PRKAR2A: variants seen among roughly 807,000 people sequenced by gnomAD.
PRKAR2A encodes protein kinase cAMP-dependent type II regulatory subunit alpha.
Under a neutral mutation model 51.9 loss-of-function variants are expected in PRKAR2A, and 29 were observed. That is an observed-to-expected ratio of 0.56 (90% CI 0.42 to 0.76). The LOEUF (loss-of-function observed/expected upper bound fraction) is 0.76. PRKAR2A is among the 30% of genes least tolerant of loss of function. The pLI is 0.00. For synonymous variants in PRKAR2A, 178 were observed against 186.2 expected, an observed-to-expected ratio of 0.96 and a Z score of 0.36; for missense variants, 445 against 512.1, an observed-to-expected ratio of 0.87 and a Z score of 1.26.
At chr3:48,792,566 A>G (rs1284032680) in intron 3 of PRKAR2A, among the ~76,000 whole-genome samples, 1 of 141,216 alleles carries the variant, frequency 7.1e-6, no homozygotes, top group Non-Finnish European at 1.5e-5. Flanking sequence ...GGTTCAAGCG[A>G]TTCTCCTGCC....
In PRKAR2A at chr3:48,773,077, T is replaced by G; in HGVS notation, c.574A>C (p.Asn192His). 3 of 1,610,766 alleles carry G rather than the reference T, an allele frequency of 1.9e-6. No individual in the cohort carries two copies. Among genetic ancestry groups the G allele is most frequent in the Non-Finnish European group, 2.5e-6 (3 of 1,178,064 alleles). ...TATTGACCAACAGAGCGGGTTTGAT[T>G]ATCTTTTGTTACTAAAATGTCATAA... is the stretch of plus-strand genomic sequence containing the variant. ...GTYDILVTKD[N>H]QTRSVGQYDN... The change falls in exon 6 of 11, where the codon AAT (asparagine) becomes CAT (histidine). Residue 192 changes from asparagine to histidine, a missense_variant. Transcript: ENST00000265563.
chr3:48,779,247 A>C (rs1252668812), intron 5 of PRKAR2A, among the ~76,000 whole-genome samples: 2 of 152,144 alleles, frequency 1.3e-5, no homozygotes, highest in African/African-American at 4.8e-5. Flanking sequence ...GGTGCAAACC[A>C]CTGTGCCAGG....
chr3:48,797,130 T>C (rs1279306298), intron 2 of PRKAR2A, among the ~76,000 whole-genome samples: 1 of 152,078 alleles, frequency 6.6e-6, no homozygotes, highest in Non-Finnish European at 1.5e-5. Context: ...CGGGACAGGC[T>C]GATACATACC....
chr3:48,766,391 A>G (rs2081942747), intron 6 of PRKAR2A, among the ~76,000 whole-genome samples: 1 of 150,580 alleles, frequency 6.6e-6, no homozygotes, highest in Non-Finnish European at 1.5e-5. Context: ...AACATGGTGA[A>G]ACCCCATCTC....
At chr3:48,774,238 G>A (rs1008605658) in intron 5 of PRKAR2A, among the ~76,000 whole-genome samples, 1 of 152,040 alleles carries the variant, frequency 6.6e-6, no homozygotes, top group Non-Finnish European at 1.5e-5. Context: ...CAGGGTAACT[G>A]GGGTATCCAT....
chr3:48,781,725 C>G (rs2082199812), intron 5 of PRKAR2A, among the ~76,000 whole-genome samples: 1 of 151,996 alleles, frequency 6.6e-6, no homozygotes, highest in Non-Finnish European at 1.5e-5. Flanking sequence ...GTTGGCCAGG[C>G]TGGTCTCGAA....
At chr3:48,766,215 C>A (rs1477816647) in intron 6 of PRKAR2A, among the ~76,000 whole-genome samples, 2 of 150,004 alleles carry the variant, frequency 1.3e-5, no homozygotes, top group Non-Finnish European at 3.0e-5. Context: ...ACACTATGTC[C>A]CAAAAACAAC....
At chr3:48,809,595 C>CAAAAA (rs57623385) in intron 1 of PRKAR2A, among the ~76,000 whole-genome samples, 1 of 49,338 alleles carries the variant, frequency 2.0e-5, no homozygotes, top group Admixed American at 3.2e-4. Context: ...GACTCCATCT[C>CAAAAA]AAAAAAAAAA....
At chr3:48,814,246 C>T (rs1384248762) in intron 1 of PRKAR2A, among the ~76,000 whole-genome samples, 1 of 151,050 alleles carries the variant, frequency 6.6e-6, no homozygotes, top group African/African-American at 2.4e-5. Context: ...GAATCCGTCT[C>T]AAAAAGATTA....
intron 4 of PRKAR2A, among the ~76,000 whole-genome samples, chr3:48,784,001 ATATAT>A (rs752309061): frequency 1.2e-3 from 182 of 152,350 alleles, no homozygotes; most frequent in Non-Finnish European, 1.7e-3. Context: ...AATAAATGAG[ATATAT>A]TATAAGACAG....
At chr3:48,761,895 T>C (rs2107221644) in intron 8 of PRKAR2A, among the ~76,000 whole-genome samples, 1 of 152,286 alleles carries the variant, frequency 6.6e-6, no homozygotes, top group African/African-American at 2.4e-5. Context: ...AGTGCTGGGA[T>C]TACAGGCGTG....
chr3:48,757,962 A>G (rs2081798136), intron 8 of PRKAR2A, among the ~76,000 whole-genome samples: 1 of 152,176 alleles, frequency 6.6e-6, no homozygotes, highest in Admixed American at 6.5e-5. Flanking sequence ...AGGCTGAGGC[A>G]GAAGAATAGC....
chr3:48,795,088 G>T (rs142873994), intron 2 of PRKAR2A, among the ~76,000 whole-genome samples: 1 of 150,960 alleles, frequency 6.6e-6, no homozygotes, highest in Non-Finnish European at 1.5e-5. Flanking sequence ...ACCATTCTCC[G>T]GCCTCAGCCT....
chr3:48,784,630 G>C (rs1427535626), intron 4 of PRKAR2A, among the ~76,000 whole-genome samples: 1 of 152,150 alleles, frequency 6.6e-6, no homozygotes, highest in Non-Finnish European at 1.5e-5. Flanking sequence ...AAACACATGT[G>C]TCATGAGATA....
chr3:48,824,020 C>A (rs1183863795), intron 1 of PRKAR2A, among the ~76,000 whole-genome samples: 2 of 152,132 alleles, frequency 1.3e-5, no homozygotes, highest in Non-Finnish European at 2.9e-5. Context: ...GCAGGTGGAT[C>A]ACTTGAAGTC....
chr3:48,826,168 A>G (rs1280457394), intron 1 of PRKAR2A, among the ~76,000 whole-genome samples: 1 of 152,148 alleles, frequency 6.6e-6, no homozygotes, highest in African/African-American at 2.4e-5. Flanking sequence ...AGGGAGGCTG[A>G]GGTAGGAGGA....
chr3:48,791,795 C>T (rs1257452984), intron 3 of PRKAR2A, among the ~76,000 whole-genome samples: 5 of 149,112 alleles, frequency 3.4e-5, no homozygotes, highest in Admixed American at 6.7e-5. Flanking sequence ...CCCAGCTACC[C>T]GAGAGGCTGA....
chr3:48,842,194 T>C (rs1010213422), intron 1 of PRKAR2A, among the ~76,000 whole-genome samples: 5 of 152,236 alleles, frequency 3.3e-5, no homozygotes, highest in Non-Finnish European at 5.9e-5. Flanking sequence ...GGGAGTTCAC[T>C]CATGACTTGG....
intron 5 of PRKAR2A, among the ~76,000 whole-genome samples, chr3:48,778,889 G>T (rs1440572240): frequency 1.4e-5 from 2 of 140,540 alleles, no homozygotes; most frequent in African/African-American, 5.4e-5. Context: ...GCAATGGCAT[G>T]ATCTCGGCTC....
Sources: gnomAD v4.1 joint callset for allele counts (sites outside exome capture counted in the v4.1 genomes callset) on GRCh38, gnomAD v4.1.1 for gene constraint, MANE v1.5 for transcripts, NCBI Gene and HGNC (gene_info 2026-07-23, HGNC 2026-07-21) for gene names.